The following CTDSPL2 variants were observed in gnomAD, a reference collection of about 807,000 sequenced individuals.
The protein encoded by CTDSPL2 is CTD small phosphatase like 2.
A neutral mutation model predicts 60.0 loss-of-function variants in CTDSPL2; 5 were observed. That is an observed-to-expected ratio of 0.08 (90% CI 0.04 to 0.18). The LOEUF (loss-of-function observed/expected upper bound fraction) is 0.18. CTDSPL2 is among the 10% of genes least tolerant of loss of function. The pLI is 1.00. For synonymous variants in CTDSPL2, 186 were observed against 189.3 expected (o/e 0.98, Z 0.14); for missense variants, 370 against 548.8 (o/e 0.67, Z 3.26).
intron 8 of CTDSPL2, among the ~76,000 whole-genome samples, chr15:44,510,158 G>C (rs1213368829): frequency 1.3e-5 from 2 of 151,626 alleles, no homozygotes; most frequent in East Asian, 2.0e-4. Flanking sequence ...GCTAATTTTT[G>C]TATATTTAGT....
In CTDSPL2 at chr15:44,527,832, A is replaced by G. The variant is rs908918283; in HGVS notation, c.*3658A>G. On this transcript the variant is annotated 3_prime_UTR_variant, in exon 13 of 13. Coordinates refer to ENST00000260327, the MANE Select transcript of CTDSPL2 (RefSeq NM_016396.3). The stretch of plus-strand genomic sequence containing the variant: ...AAGGCCTTAGGGTTGTCATTCATTG[A>G]CTTTCTTATTCCTCTCATGAGCTAT... The G allele has an allele frequency of 2.6e-5, 4 of 152,152 alleles. No homozygotes were observed. Among genetic ancestry groups the G allele is most frequent in the Non-Finnish European group, 4.4e-5 (3 of 68,004 alleles). 9.4% of individuals were successfully genotyped at this position (152,152 alleles called of 1,614,324 possible). A position where few individuals can be genotyped will look rare whatever the true frequency, so the allele number is the denominator to read the frequency against.
rs1435217307 is a variant in CTDSPL2 at position 44,525,405 on chromosome 15, G to C, written c.*1231G>C. 1 of 398,796 alleles carries C rather than the reference G, an allele frequency of 2.5e-6. No individual in the cohort carries two copies. The highest frequency in any genetic ancestry group is 4.4e-5 in the Admixed American group (1 of 22,702). The allele number at this position is 398,796 out of a possible 1,614,324, so 24.7% of individuals were successfully genotyped here. ...ACCACAAGAGGTTGATATTTTTATA[G>C]TGGCGTGTAATCTCCTTTTCGGGAG... On this transcript the variant is annotated 3_prime_UTR_variant, in exon 13 of 13. Transcript: ENST00000260327.
intron 5 of CTDSPL2, among the ~76,000 whole-genome samples, chr15:44,495,310 C>T (rs887051945): frequency 6.7e-5 from 10 of 148,764 alleles, no homozygotes; most frequent in East Asian, 2.2e-4. Context: ...TGGCCGGGTG[C>T]GGTGGCTCAC....
chr15:44,451,267 ATT>A (rs2080329903), intron 1 of CTDSPL2, among the ~76,000 whole-genome samples: 1 of 151,594 alleles, frequency 6.6e-6, no homozygotes, highest in Non-Finnish European at 1.5e-5. Flanking sequence ...TGCCCATATA[ATT>A]TTTTTGTTTT....
At chr15:44,441,449 G>C (rs114082990) in intron 1 of CTDSPL2, among the ~76,000 whole-genome samples, 2 of 152,204 alleles carry the variant, frequency 1.3e-5, no homozygotes, top group Non-Finnish European at 2.9e-5. Context: ...GTGGAGGTCT[G>C]TGGAAGATCT....
At chr15:44,506,913 C>T (rs550978997) in intron 8 of CTDSPL2, among the ~76,000 whole-genome samples, 2 of 150,666 alleles carry the variant, frequency 1.3e-5, no homozygotes, top group East Asian at 2.0e-4. Flanking sequence ...ACTACAGGCG[C>T]CTGCCACTAC....
chr15:44,457,454 C>G (rs2080471185), intron 1 of CTDSPL2, among the ~76,000 whole-genome samples: 1 of 152,194 alleles, frequency 6.6e-6, no homozygotes, highest in Non-Finnish European at 1.5e-5. Flanking sequence ...TATGCAGCTT[C>G]TTCACCTCTG....
chr15:44,473,834 A>C (rs946942767), intron 2 of CTDSPL2, among the ~76,000 whole-genome samples: 28 of 152,210 alleles, frequency 1.8e-4, no homozygotes, highest in African/African-American at 6.5e-4. Flanking sequence ...CATTCTTACC[A>C]GTATTTGATA....
At chr15:44,470,353 A>C (rs546084764) in intron 2 of CTDSPL2, 33 of 152,174 alleles carry the variant, frequency 2.2e-4, no homozygotes, top group African/African-American at 7.9e-4. Flanking sequence ...AGTTTATTTT[A>C]ATATTGATAT....
chr15:44,513,475 C>T (rs1846949945), intron 8 of CTDSPL2, among the ~76,000 whole-genome samples: 1 of 152,192 alleles, frequency 6.6e-6, no homozygotes, highest in South Asian at 2.1e-4. Context: ...CTCAAACAAA[C>T]AGAATTTGTC....
intron 2 of CTDSPL2, among the ~76,000 whole-genome samples, chr15:44,469,199 G>A (rs750132247): frequency 6.6e-6 from 1 of 152,172 alleles, no homozygotes; most frequent in Non-Finnish European, 1.5e-5. Flanking sequence ...ACAACCACTG[G>A]AGGGTTTTGA....
chr15:44,437,289 A>T (rs758537677), intron 1 of CTDSPL2, among the ~76,000 whole-genome samples: 47 of 152,214 alleles, frequency 3.1e-4, no homozygotes, highest in Non-Finnish European at 2.9e-4. Flanking sequence ...GTAAGTTCTA[A>T]TTTGTTGAGA....
At chr15:44,506,833 C>G (rs1485682394) in intron 8 of CTDSPL2, among the ~76,000 whole-genome samples, 1 of 152,074 alleles carries the variant, frequency 6.6e-6, no homozygotes. Context: ...GTGGCACAAT[C>G]TTGGCTCACT....
chr15:44,483,250 C>T (rs2081061355), intron 2 of CTDSPL2, among the ~76,000 whole-genome samples: 1 of 143,076 alleles, frequency 7.0e-6, no homozygotes, highest in African/African-American at 2.6e-5. Context: ...GTGACAGAGT[C>T]AGACTCTGTC....
chr15:44,503,270 A>G (rs2081409365), intron 8 of CTDSPL2, among the ~76,000 whole-genome samples: 1 of 152,154 alleles, frequency 6.6e-6, no homozygotes, highest in Non-Finnish European at 1.5e-5. Flanking sequence ...ACATGTATTC[A>G]TAAAATGGTA....
At chr15:44,521,151 T>G (rs1186948735) in intron 11 of CTDSPL2, 160 bp from the exon 12 acceptor site, 5 of 443,966 alleles carry the variant, frequency 1.1e-5, no homozygotes. Context: ...CCTCTGTCTC[T>G]TGCACTATTG....
At chr15:44,494,712 C>T (rs1160598425) in intron 5 of CTDSPL2, among the ~76,000 whole-genome samples, 6 of 152,000 alleles carry the variant, frequency 3.9e-5, no homozygotes, top group Admixed American at 6.6e-5. Flanking sequence ...GTCAGGAGTT[C>T]GAGACCAGCC....
chr15:44,445,496 C>T (rs115826718), intron 1 of CTDSPL2, among the ~76,000 whole-genome samples: 2 of 151,068 alleles, frequency 1.3e-5, no homozygotes, highest in African/African-American at 4.9e-5. Flanking sequence ...GGCCTAGGTT[C>T]TAGATTTTTG....
chr15:44,453,887 C>T (rs550690580), intron 1 of CTDSPL2, among the ~76,000 whole-genome samples: 3 of 152,208 alleles, frequency 2.0e-5, no homozygotes, highest in South Asian at 2.1e-4. Flanking sequence ...AGTAAACATA[C>T]GTGTGCATGT....
Sources: allele counts gnomAD v4.1 joint callset (sites outside exome capture counted in the v4.1 genomes callset), GRCh38; gene constraint gnomAD v4.1.1; transcripts MANE v1.5; gene names NCBI Gene and HGNC (gene_info 2026-07-23, HGNC 2026-07-21).